CA8: variants seen among roughly 807,000 people sequenced by gnomAD.
CA8 encodes carbonic anhydrase-related protein.
In CA8, 22 loss-of-function variants were observed where a neutral mutation model predicts 41.4. That is an observed-to-expected ratio of 0.53 (90% CI 0.38 to 0.76). CA8 has a LOEUF of 0.76. Among genes scored for constraint, CA8 ranks in the 30% least tolerant of loss-of-function variants. CA8 has a pLI of 0.00. For missense variants in CA8, 270 were observed against 352.8 expected (o/e 0.77, Z 1.88); for synonymous variants, 121 against 130.6 (o/e 0.93, Z 0.50).
intron 8 of CA8, among the ~76,000 whole-genome samples, chr8:60,192,356 G>A (rs548851229): frequency 1.3e-5 from 2 of 152,250 alleles, no homozygotes; most frequent in African/African-American, 4.8e-5. Flanking sequence ...CTTAGGGAAT[G>A]TGTGGGACTG....
chr8:60,193,059 A>G (rs1806182025), intron 8 of CA8, among the ~76,000 whole-genome samples: 1 of 151,948 alleles, frequency 6.6e-6, no homozygotes, highest in African/African-American at 2.4e-5. Flanking sequence ...TGAATCAATT[A>G]TGCAACTTCT....
chr8:60,263,092 G>A (rs1055546592), intron 3 of CA8, among the ~76,000 whole-genome samples: 46 of 152,144 alleles, frequency 3.0e-4, no homozygotes, highest in African/African-American at 5.8e-4. Context: ...TGTAATCCCA[G>A]CAATTTGGAA....
At chr8:60,280,979 G>T in intron 1 of CA8, 69 bp downstream of exon 1, 1 of 1,153,690 alleles carries the variant, frequency 8.7e-7, no homozygotes, top group Non-Finnish European at 1.3e-6. Flanking sequence ...AGCAGGACTC[G>T]AGTCCCGCGC....
chr8:60,271,759 G>A (rs1045767863), intron 2 of CA8, among the ~76,000 whole-genome samples: 4 of 152,130 alleles, frequency 2.6e-5, no homozygotes, highest in Non-Finnish European at 4.4e-5. Context: ...CACAAGTGTG[G>A]GCAGTCTCAC....
At chr8:60,266,501 CG>C (rs1225971794) in intron 2 of CA8, among the ~76,000 whole-genome samples, 1 of 152,152 alleles carries the variant, frequency 6.6e-6, no homozygotes, top group Non-Finnish European at 1.5e-5. Context: ...ATTTAGCGAA[CG>C]GGTGTGTGGA....
intron 7 of CA8, among the ~76,000 whole-genome samples, chr8:60,219,350 GTTTCA>G (rs1342125627): frequency 6.6e-6 from 1 of 152,002 alleles, no homozygotes; most frequent in Non-Finnish European, 1.5e-5. Flanking sequence ...TAGAGATAAG[GTTTCA>G]CCATATTGGC....
At chr8:60,220,734 T>TA (rs1807214642) in intron 7 of CA8, among the ~76,000 whole-genome samples, 1 of 152,156 alleles carries the variant, frequency 6.6e-6, no homozygotes, top group Non-Finnish European at 1.5e-5. Flanking sequence ...ATCTGTTTTT[T>TA]AGTTTCTTCT....
chr8:60,218,557 A>C (rs1437551690), intron 7 of CA8, among the ~76,000 whole-genome samples: 2 of 152,222 alleles, frequency 1.3e-5, no homozygotes, highest in African/African-American at 2.4e-5. Context: ...GGAAGCTAGG[A>C]CTATGACATA....
chr8:60,185,586 A>G lies in CA8; in HGVS notation c.*4435T>C, dbSNP rs1460760301. On this transcript the variant is annotated 3_prime_UTR_variant, in exon 9 of 9. Transcript: ENST00000317995. ...TTTGTTTTTGAAAGCAGAAACAGAA[A>G]AACGATTTGTCTTGTAGAAGGAAAC... 6.6e-6 allele frequency among the ~76,000 whole-genome samples: 1 copy of G among 152,192 alleles called. No individual in the cohort carries two copies.
intron 3 of CA8, among the ~76,000 whole-genome samples, chr8:60,245,209 A>G (rs905359264): frequency 1.3e-5 from 2 of 152,194 alleles, no homozygotes; most frequent in Non-Finnish European, 2.9e-5. Flanking sequence ...ATATTGTGAG[A>G]AAAGTAAATT....
intron 5 of CA8, among the ~76,000 whole-genome samples, 184 bp from the exon 6 acceptor site, chr8:60,224,769 A>G (rs1258287905): frequency 6.6e-6 from 1 of 152,012 alleles, no homozygotes; most frequent in Admixed American, 6.6e-5. Context: ...TCCTGCTCTA[A>G]TTCTATGGCT....
chr8:60,214,242 G>A (rs1379541295), intron 7 of CA8, among the ~76,000 whole-genome samples: 3 of 152,214 alleles, frequency 2.0e-5, no homozygotes, highest in Non-Finnish European at 4.4e-5. Flanking sequence ...TTATTCATTC[G>A]TCCTCATGTA....
At chr8:60,272,429 CAG>C (rs1804102106) in intron 2 of CA8, among the ~76,000 whole-genome samples, 1 of 152,048 alleles carries the variant, frequency 6.6e-6, no homozygotes. Context: ...AGCCTCTGTG[CAG>C]AGTCCCTCAT....
intron 2 of CA8, among the ~76,000 whole-genome samples, chr8:60,273,249 A>G (rs1804126252): frequency 6.6e-6 from 1 of 152,378 alleles, no homozygotes; most frequent in Non-Finnish European, 1.5e-5. Flanking sequence ...AAGTGGAAGT[A>G]TAATTATATT....
Position 60,278,174 on chromosome 8 carries a change from G to A in CA8, c.292+1515C>T, listed in dbSNP as rs538802245. 5.9e-5 allele frequency among the ~76,000 whole-genome samples: 9 copies of A among 152,290 alleles called. No individual in the cohort carries two copies. In the South Asian group the frequency reaches 6.2e-4, roughly 11 times the overall value. ...AAAATGGTAAGTTCAAATTGATGAAGTAAATTTTATCTCAGAGCAGGACTA... is the reference window on the plus strand; with the variant it reads ...AAAATGGTAAGTTCAAATTGATGAAATAAATTTTATCTCAGAGCAGGACTA... On this transcript the variant is annotated intron_variant, in intron 2 of 8. Transcript: ENST00000317995.
rs1805950664 is a variant in CA8 at position 60,185,901 on chromosome 8, G to A, written c.*4120C>T. ...TGTAATTATGTAATTATGAAAGACA[G>A]TATAAATGCATTTCTTCCTTCTCTT... On this transcript the variant is annotated 3_prime_UTR_variant, in exon 9 of 9. Coordinates refer to ENST00000317995, the MANE Select transcript of CA8 (RefSeq NM_004056.6). Among the ~76,000 whole-genome samples the A allele has an allele frequency of 6.6e-6, 1 of 151,110 alleles. No individual in the cohort carries two copies. Among genetic ancestry groups the A allele is most frequent in the African/African-American group, 2.4e-5 (1 of 41,214 alleles).
chr8:60,254,614 G>A (rs1048227685), intron 3 of CA8, among the ~76,000 whole-genome samples: 13 of 152,204 alleles, frequency 8.5e-5, no homozygotes, highest in Admixed American at 7.2e-4. Flanking sequence ...TTCCAGTGCT[G>A]TACAACACAA....
chr8:60,246,875 CTTTTTT>C (rs10567353), intron 3 of CA8, among the ~76,000 whole-genome samples: 1 of 89,102 alleles, frequency 1.1e-5, no homozygotes, highest in Non-Finnish European at 2.0e-5. Context: ...ATAATAACCA[CTTTTTT>C]TTTTTTTTTT....
intron 3 of CA8, among the ~76,000 whole-genome samples, chr8:60,259,229 T>A (rs1395244110): frequency 6.6e-6 from 1 of 152,222 alleles, no homozygotes; most frequent in African/African-American, 2.4e-5. Flanking sequence ...TGAAAATATA[T>A]TGACAGAAAA....
Sources: gnomAD v4.1 joint callset for allele counts (sites outside exome capture counted in the v4.1 genomes callset) on GRCh38, gnomAD v4.1.1 for gene constraint, MANE v1.5 for transcripts, NCBI Gene and HGNC (gene_info 2026-07-23, HGNC 2026-07-21) for gene names.